The following ALKAL1 variants were observed in gnomAD, a reference collection of about 807,000 sequenced individuals.
ALKAL1 encodes the protein ALK and LTK ligand 1.
In ALKAL1, 23 loss-of-function variants were observed where a neutral mutation model predicts 13.5. The ratio of observed to expected loss-of-function variants is 1.70; its 90% CI spans 1.23 to 2.41. The LOEUF (loss-of-function observed/expected upper bound fraction) is 2.41. ALKAL1 is among the 30% of genes most tolerant of loss of function. The probability of loss-of-function intolerance (pLI) is 0.00; values close to 1 mark genes in which losing one functional copy is unlikely to be tolerated. For synonymous variants in ALKAL1, 85 were observed against 77.7 expected (o/e 1.09, Z -0.49); for missense variants, 181 against 178.4 (o/e 1.01, Z -0.08).
chr8:52,539,527 A>G (rs915202300), intron 3 of ALKAL1, among the ~76,000 whole-genome samples: 5 of 152,124 alleles, frequency 3.3e-5, no homozygotes, highest in African/African-American at 1.2e-4. Context: ...TTGAGACAGC[A>G]CCCTATTTAT....
At chr8:52,546,066 T>C (rs1249347746) in intron 1 of ALKAL1, among the ~76,000 whole-genome samples, 1 of 152,140 alleles carries the variant, frequency 6.6e-6, no homozygotes, top group African/African-American at 2.4e-5. Flanking sequence ...TATCTATACA[T>C]AGAAAAGGAA....
At chr8:52,538,532 T>A (rs772040481) in intron 3 of ALKAL1, 25 bp from the exon 4 acceptor site, 56 of 1,464,662 alleles carry the variant, frequency 3.8e-5, no homozygotes, top group Non-Finnish European at 5.1e-5. Flanking sequence ...TAAAGGTAAA[T>A]TATATATAGA....
At position 52,541,837 on chromosome 8, in the gene ALKAL1, T is replaced by C. The variant is rs144744989; in HGVS notation, c.244+555A>G. The stretch of plus-strand genomic sequence containing the variant: ...GTCTGTCCCTCCCTGTTCAAAAAAT[T>C]TATATTGCCCCCTCCCTCCCTACCC... On this transcript the variant is annotated intron_variant, in intron 2 of 4. Transcript: ENST00000358543. Among the ~76,000 whole-genome samples, 1,202 of 152,232 alleles carry C rather than the reference T, an allele frequency of 7.9e-3. 13 individuals carry two copies. Among genetic ancestry groups the C allele is most frequent in the South Asian group, 0.012 (58 of 4,816 alleles).
At chr8:52,554,815 GA>G (rs1298628038) in intron 1 of ALKAL1, among the ~76,000 whole-genome samples, 1 of 152,170 alleles carries the variant, frequency 6.6e-6, no homozygotes, top group Non-Finnish European at 1.5e-5. Context: ...CTGGAATCAG[GA>G]ATCATTTAAC....
At chr8:52,544,642 G>A (rs1335595744) in intron 1 of ALKAL1, among the ~76,000 whole-genome samples, 1 of 152,176 alleles carries the variant, frequency 6.6e-6, no homozygotes, top group East Asian at 1.9e-4. Flanking sequence ...CAAAGCTGCA[G>A]ATGGGTAGGA....
At chr8:52,543,388 A>G (rs1225191372) in intron 1 of ALKAL1, among the ~76,000 whole-genome samples, 1 of 152,204 alleles carries the variant, frequency 6.6e-6, no homozygotes, top group African/African-American at 2.4e-5. Flanking sequence ...GAGGCTTGGT[A>G]AATGCAGATG....
intron 1 of ALKAL1, among the ~76,000 whole-genome samples, chr8:52,558,271 C>T (rs1847504591): frequency 7.7e-6 from 1 of 129,840 alleles, no homozygotes; most frequent in African/African-American, 2.9e-5. Context: ...CTCCTTGAAT[C>T]TGGGAGGTAG....
Position 52,539,797 on chromosome 8 carries a change from A to AT in ALKAL1, c.325+33dup, listed in dbSNP as rs750848559. 34 of 1,189,900 alleles carry AT rather than the reference A, an allele frequency of 2.9e-5. No homozygotes were observed. In the Middle Eastern group the frequency reaches 1.2e-3, roughly 41 times the overall value. 73.7% of individuals were successfully genotyped at this position (1,189,900 alleles called of 1,614,324 possible). On this transcript the variant is annotated intron_variant, in intron 3 of 4. Coordinates refer to ENST00000358543, the MANE Select transcript of ALKAL1 (RefSeq NM_207413.4). The stretch of plus-strand genomic sequence containing the variant: ...AATTAAACGCATTTATTGTTGGATA[A>AT]TTAAAAAAAAAAAAACCCACCCAAG...
intron 1 of ALKAL1, among the ~76,000 whole-genome samples, chr8:52,553,806 T>C (rs115550209): frequency 0.012 from 1,818 of 152,326 alleles, 40 homozygotes; most frequent in African/African-American, 0.042. Context: ...AGCAATTTCA[T>C]CTGAAGACTG....
intron 2 of ALKAL1, among the ~76,000 whole-genome samples, chr8:52,541,507 C>T (rs1164298108): frequency 1.3e-5 from 2 of 152,086 alleles, no homozygotes; most frequent in African/African-American, 4.8e-5. Context: ...GTGGCTCACA[C>T]TTGTAATCCC....
intron 1 of ALKAL1, among the ~76,000 whole-genome samples, chr8:52,562,521 C>T (rs994563997): frequency 1.3e-5 from 2 of 152,102 alleles, no homozygotes; most frequent in African/African-American, 4.8e-5. Context: ...AACACAGTCC[C>T]CCACTCTCCG....
intron 1 of ALKAL1, among the ~76,000 whole-genome samples, chr8:52,544,918 T>C (rs1036611257): frequency 2.0e-5 from 3 of 152,088 alleles, no homozygotes; most frequent in African/African-American, 7.2e-5. Flanking sequence ...TTTTAATAAA[T>C]AAATTTTGTT....
At chr8:52,549,285 AT>A (rs1449714669) in intron 1 of ALKAL1, among the ~76,000 whole-genome samples, 6 of 152,086 alleles carry the variant, frequency 3.9e-5, no homozygotes, top group Non-Finnish European at 7.4e-5. Flanking sequence ...ACAAGTTCCC[AT>A]TTCAAAAATA....
intron 1 of ALKAL1, among the ~76,000 whole-genome samples, chr8:52,561,482 G>C (rs1847550027): frequency 6.6e-6 from 1 of 152,270 alleles, no homozygotes; most frequent in African/African-American, 2.4e-5. Context: ...TTAAGCACAG[G>C]CAGAATGGCC....
chr8:52,535,844 GT>G (rs1847261507), intron 4 of ALKAL1, among the ~76,000 whole-genome samples: 1 of 152,136 alleles, frequency 6.6e-6, no homozygotes, highest in Non-Finnish European at 1.5e-5. Context: ...GATAGTTTAA[GT>G]AAATCTCCAT....
At chr8:52,538,900 T>A (rs1402524985) in intron 3 of ALKAL1, among the ~76,000 whole-genome samples, 3 of 151,868 alleles carry the variant, frequency 2.0e-5, no homozygotes, top group Admixed American at 6.6e-5. Flanking sequence ...AATTTTAATT[T>A]ATTTATTTAC....
At chr8:52,541,743 C>T (rs996627530) in intron 2 of ALKAL1, among the ~76,000 whole-genome samples, 5 of 151,914 alleles carry the variant, frequency 3.3e-5, no homozygotes, top group Non-Finnish European at 7.4e-5. Context: ...GCAACAAGAG[C>T]GAAACTCTGT....
intron 1 of ALKAL1, among the ~76,000 whole-genome samples, chr8:52,556,472 C>A (rs1269502089): frequency 6.6e-6 from 1 of 151,270 alleles, no homozygotes; most frequent in Non-Finnish European, 1.5e-5. Flanking sequence ...ACGGTGAAAC[C>A]CCGTCTCTAC....
At chr8:52,562,816 C>A (rs1847564291) in intron 1 of ALKAL1, among the ~76,000 whole-genome samples, 1 of 152,130 alleles carries the variant, frequency 6.6e-6, no homozygotes, top group Admixed American at 6.5e-5. Flanking sequence ...GCCTCCCGGA[C>A]CTGCGAGATA....
Sources: gnomAD v4.1 joint callset for allele counts (sites outside exome capture counted in the v4.1 genomes callset) on GRCh38, gnomAD v4.1.1 for gene constraint, MANE v1.5 for transcripts, NCBI Gene and HGNC (gene_info 2026-07-23, HGNC 2026-07-21) for gene names.